Variants in CADM2 observed in about 807,000 individuals in gnomAD.
CADM2 encodes the protein cell adhesion molecule 2.
Under a neutral mutation model 49.8 loss-of-function variants are expected in CADM2, and 12 were observed. The observed-to-expected ratio is 0.24, with a 90% CI of 0.15 to 0.39. The LOEUF (loss-of-function observed/expected upper bound fraction) is 0.39, where lower values mean the gene tolerates loss of function less well. Among genes scored for constraint, CADM2 ranks in the 10% least tolerant of loss-of-function variants. CADM2 has a pLI of 1.00. For synonymous variants in CADM2, 214 were observed against 175.4 expected (o/e 1.22, Z -1.74); for missense variants, 378 against 492.3 (o/e 0.77, Z 2.20).
chr3:85,264,249 T>C (rs1287910229), intron 1 of CADM2, among the ~76,000 whole-genome samples: 1 of 152,110 alleles, frequency 6.6e-6, no homozygotes, highest in African/African-American at 2.4e-5. Flanking sequence ...CTGAGTAGTA[T>C]TCATCAACAC....
At chr3:85,186,064 T>C (rs1290230858) in intron 1 of CADM2, among the ~76,000 whole-genome samples, 6 of 152,214 alleles carry the variant, frequency 3.9e-5, no homozygotes, top group Non-Finnish European at 7.3e-5. Context: ...AGCACAAGTA[T>C]TTGAATACTG....
intron 1 of CADM2, among the ~76,000 whole-genome samples, chr3:85,420,483 A>G (rs1316271021): frequency 6.6e-6 from 1 of 152,182 alleles, no homozygotes; most frequent in Non-Finnish European, 1.5e-5. Flanking sequence ...TAGAATTTCT[A>G]TTTGTATGTC....
At chr3:85,844,738 G>A (rs2074800038) in intron 3 of CADM2, among the ~76,000 whole-genome samples, 1 of 152,056 alleles carries the variant, frequency 6.6e-6, no homozygotes, top group Non-Finnish European at 1.5e-5. Flanking sequence ...ATACACACAT[G>A]TATACCATAT....
chr3:85,447,129 T>G (rs1322412575), intron 1 of CADM2, among the ~76,000 whole-genome samples: 1 of 150,690 alleles, frequency 6.6e-6, no homozygotes, highest in Non-Finnish European at 1.5e-5. Context: ...GTTGTGTTTT[T>G]TGTATTGCTA....
chr3:85,175,652 G>T (rs1186084263), intron 1 of CADM2, among the ~76,000 whole-genome samples: 1 of 152,044 alleles, frequency 6.6e-6, no homozygotes, highest in Non-Finnish European at 1.5e-5. Flanking sequence ...TGCTGAAAAA[G>T]TTCTGGAAAT....
intron 1 of CADM2, among the ~76,000 whole-genome samples, chr3:84,971,474 T>C (rs980474202): frequency 1.3e-5 from 2 of 152,134 alleles, no homozygotes; most frequent in African/African-American, 4.8e-5. Flanking sequence ...ACTAATGGTG[T>C]TACCATTTAG....
chr3:85,969,922 TAC>T (rs1577818043), intron 8 of CADM2, among the ~76,000 whole-genome samples: 1 of 150,318 alleles, frequency 6.7e-6, no homozygotes, highest in East Asian at 2.0e-4. Context: ...TCTACATATA[TAC>T]ACACATATAC....
At chr3:85,165,319 A>C (rs1436548199) in intron 1 of CADM2, among the ~76,000 whole-genome samples, 1 of 151,950 alleles carries the variant, frequency 6.6e-6, no homozygotes, top group Admixed American at 6.6e-5. Context: ...TTGTATAGAT[A>C]AAGCTAAATA....
intron 8 of CADM2, among the ~76,000 whole-genome samples, chr3:86,037,315 T>C (rs1157195604): frequency 2.0e-5 from 3 of 152,184 alleles, no homozygotes; most frequent in Non-Finnish European, 4.4e-5. Flanking sequence ...AGAAGAAATG[T>C]TGGCAATACT....
At chr3:85,706,241 C>G (rs1237065917) in intron 1 of CADM2, among the ~76,000 whole-genome samples, 2 of 152,172 alleles carry the variant, frequency 1.3e-5, no homozygotes, top group East Asian at 3.9e-4. Context: ...AACCCCACTT[C>G]AGTATTATCA....
At chr3:85,959,000 CAT>C (rs1386836667) in intron 7 of CADM2, among the ~76,000 whole-genome samples, 2 of 151,564 alleles carry the variant, frequency 1.3e-5, no homozygotes, top group Non-Finnish European at 2.9e-5. Flanking sequence ...ATGTTCTACA[CAT>C]GTTTCGTGGA....
chr3:86,057,506 G>A (rs1738132380), intron 8 of CADM2, among the ~76,000 whole-genome samples: 1 of 152,096 alleles, frequency 6.6e-6, no homozygotes, highest in Non-Finnish European at 1.5e-5. Flanking sequence ...TTGGAATTTA[G>A]CATAAGAATT....
At chr3:85,078,451 A>G (rs1212335910) in intron 1 of CADM2, among the ~76,000 whole-genome samples, 1 of 151,952 alleles carries the variant, frequency 6.6e-6, no homozygotes, top group Non-Finnish European at 1.5e-5. Flanking sequence ...TTAACATAGC[A>G]TCTTGTGGAA....
intron 1 of CADM2, among the ~76,000 whole-genome samples, chr3:85,544,456 A>G (rs1219938261): frequency 6.6e-6 from 1 of 152,178 alleles, no homozygotes; most frequent in Non-Finnish European, 1.5e-5. Context: ...GGACGCCTGT[A>G]GTCCCAGCGA....
chr3:85,491,302 T>C (rs946255215), intron 1 of CADM2, among the ~76,000 whole-genome samples: 2 of 152,178 alleles, frequency 1.3e-5, no homozygotes, highest in African/African-American at 4.8e-5. Context: ...TTTATTTAGA[T>C]TTGGAAATTT....
At chr3:86,045,927 G>C (rs1736623419) in intron 8 of CADM2, among the ~76,000 whole-genome samples, 1 of 152,102 alleles carries the variant, frequency 6.6e-6, no homozygotes, top group Non-Finnish European at 1.5e-5. Flanking sequence ...CAACTTGAAA[G>C]TGACAGTGTC....
intron 1 of CADM2, among the ~76,000 whole-genome samples, chr3:85,413,389 G>T (rs2035765713): frequency 6.6e-6 from 1 of 151,952 alleles, no homozygotes; most frequent in South Asian, 2.1e-4. Context: ...TGGTAGAGGG[G>T]CTTCCATTTG....
intron 3 of CADM2, among the ~76,000 whole-genome samples, chr3:85,838,163 AGTGT>A (rs2074485300): frequency 6.6e-6 from 1 of 151,872 alleles, no homozygotes; most frequent in Non-Finnish European, 1.5e-5. Context: ...GCTAAAGTCC[AGTGT>A]GTGGGATCAC....
At chr3:86,028,561 G>T (rs754957981) in intron 8 of CADM2, among the ~76,000 whole-genome samples, 4 of 152,094 alleles carry the variant, frequency 2.6e-5, no homozygotes, top group Non-Finnish European at 5.9e-5. Flanking sequence ...CTCTCTTTTA[G>T]AGAAAATCTT....
Sources: gnomAD v4.1 joint callset for allele counts (sites outside exome capture counted in the v4.1 genomes callset) on GRCh38, gnomAD v4.1.1 for gene constraint, MANE v1.5 for transcripts, NCBI Gene and HGNC (gene_info 2026-07-23, HGNC 2026-07-21) for gene names.